Variants in PNPLA7 observed in about 807,000 individuals in gnomAD.
PNPLA7 encodes the protein patatin like domain 7, lysophospholipase.
Under a neutral mutation model 161.7 loss-of-function variants are expected in PNPLA7, and 153 were observed. The ratio of observed to expected loss-of-function variants is 0.95; its 90% CI spans 0.83 to 1.08. The LOEUF is 1.08. PNPLA7 is among the 50% of genes least tolerant of loss of function. PNPLA7 has a pLI of 0.00. For synonymous variants in PNPLA7, 809 were observed against 782.1 expected (o/e 1.03, Z -0.57); for missense variants, 1,739 against 1,856.6 (o/e 0.94, Z 1.16).
At chr9:137,502,931 A>T (rs1564322264) in intron 14 of PNPLA7, among the ~76,000 whole-genome samples, 1 of 151,664 alleles carries the variant, frequency 6.6e-6, no homozygotes, top group Non-Finnish European at 1.5e-5. Context: ...ATTTGCTTCA[A>T]GGGGGGGCAC....
In PNPLA7 at chr9:137,543,061, A is replaced by G. The variant is rs575021909; in HGVS notation, c.507-260T>C. ...GCCACACACACACGGGAGGAAGGCAAAGGTGGCCTCCAGGATGGTGAGCTG... is the reference window on the plus strand; with the variant it reads ...GCCACACACACACGGGAGGAAGGCAGAGGTGGCCTCCAGGATGGTGAGCTG... On this transcript the variant is annotated intron_variant, in intron 6 of 34. Coordinates refer to ENST00000406427, the MANE Select transcript of PNPLA7 (RefSeq NM_001098537.3). The surrounding 1 kb of genome is among the most constrained non-coding windows in gnomAD (Gnocchi z 6.9). 6.6e-6 allele frequency among the ~76,000 whole-genome samples: 1 copy of G among 152,310 alleles called. No individual in the cohort carries two copies. Among genetic ancestry groups the G allele is most frequent in the African/African-American group, 2.4e-5 (1 of 41,568 alleles).
chr9:137,462,077 G>T, intron 31 of PNPLA7, 36 bp from the exon 32 acceptor site: 1 of 1,537,212 alleles, frequency 6.5e-7, no homozygotes, highest in East Asian at 2.4e-5. Flanking sequence ...AGGAGGTGTG[G>T]GGAGCCCCCC....
At chr9:137,495,730 G>A (rs1207153855) in intron 18 of PNPLA7, among the ~76,000 whole-genome samples, 6 of 151,940 alleles carry the variant, frequency 3.9e-5, no homozygotes, top group Middle Eastern at 3.2e-3. Flanking sequence ...GGCGTGAGCC[G>A]CCGCGCCCGG....
chr9:137,469,775 G>A (rs765352292), intron 25 of PNPLA7, among the ~76,000 whole-genome samples: 3 of 152,192 alleles, frequency 2.0e-5, no homozygotes, highest in Non-Finnish European at 4.4e-5. Flanking sequence ...GGACCAATTC[G>A]ACGGACAGCC....
At chr9:137,466,095 C>T (rs565423331) in intron 26 of PNPLA7, among the ~76,000 whole-genome samples, 1 of 152,326 alleles carries the variant, frequency 6.6e-6, no homozygotes, top group Admixed American at 6.5e-5. Flanking sequence ...TCAACCCAGG[C>T]CGGGTGCCAT....
chr9:137,543,501 T>C lies in PNPLA7; in HGVS notation c.437A>G (p.Asp146Gly). Residue 146 changes from aspartate to glycine, a missense_variant, in exon 6 of 35, where the codon GAC becomes GGC. Transcript: ENST00000406427. This position sits in a 1 kb window ranked among gnomAD's most constrained non-coding sequence, Gnocchi z 6.9. ...KEPPPSLLEA[D>G]LTEFDVKNSH... The stretch of plus-strand genomic sequence containing the variant: ...ATTCTTCACGTCAAACTCCGTGAGG[T>C]CGGCCTCCAGCAGGGAGGGCGGGGG... 1 of 1,614,022 alleles carries C rather than the reference T, an allele frequency of 6.2e-7. No homozygotes were observed. Among genetic ancestry groups the C allele is most frequent in the East Asian group, 2.2e-5 (1 of 44,860 alleles).
Position 137,479,071 on chromosome 9 carries a change from C to T in PNPLA7, c.2748G>A (p.Arg916=), listed in dbSNP as rs1187954266. Residue 916 remains arginine (R), a synonymous_variant, in exon 24 of 35, where the codon AGG becomes AGA. Transcript: ENST00000406427. ...CCCGCCTCACCAGCTTGGGCAGGCTCCTCCTGGAGAAGACGCGGCGCGGGC... is the reference window on the plus strand; with the variant it reads ...CCCGCCTCACCAGCTTGGGCAGGCTTCTCCTGGAGAAGACGCGGCGCGGGC... ...LCCPRRVFSR[R]SLPKLVEMYK... The T allele has an allele frequency of 1.9e-6, 3 of 1,589,694 alleles. No individual in the cohort carries two copies. Among genetic ancestry groups the T allele is most frequent in the Non-Finnish European group, 2.6e-6 (3 of 1,166,400 alleles).
intron 12 of PNPLA7, among the ~76,000 whole-genome samples, chr9:137,513,959 GA>G (rs536078215): frequency 6.6e-6 from 1 of 152,280 alleles, no homozygotes; most frequent in Non-Finnish European, 1.5e-5. Flanking sequence ...GCAGACGGCA[GA>G]GGGGGCAGGT....
At chr9:137,517,239 T>A (rs62644214) in intron 11 of PNPLA7, among the ~76,000 whole-genome samples, 1,270 of 37,434 alleles carry the variant, frequency 0.034, no homozygotes, top group African/African-American at 0.053. Flanking sequence ...ACTCCATCCC[T>A]CACTCACTCA....
intron 18 of PNPLA7, among the ~76,000 whole-genome samples, chr9:137,496,623 A>T (rs1219169572): frequency 6.6e-6 from 1 of 152,140 alleles, no homozygotes; most frequent in African/African-American, 2.4e-5. Context: ...AGGCAGGAGA[A>T]TCTCTTGAAC....
chr9:137,518,930 C>T (rs1048449737), intron 11 of PNPLA7, among the ~76,000 whole-genome samples: 21 of 132,634 alleles, frequency 1.6e-4, no homozygotes, highest in South Asian at 2.7e-4. Context: ...CACTCACTCA[C>T]TCCACTCTGT....
intron 4 of PNPLA7, among the ~76,000 whole-genome samples, chr9:137,545,862 G>A (rs188812907): frequency 2.4e-4 from 37 of 152,272 alleles, no homozygotes; most frequent in Middle Eastern, 3.4e-3. Flanking sequence ...GTTGCCAAGC[G>A]GACCGTGATC....
rs368408863 is a variant in PNPLA7, at chr9:137,521,555, C to T, written c.957+81G>A. On this transcript the variant is annotated intron_variant, in intron 10 of 34. Coordinates refer to ENST00000406427, the MANE Select transcript of PNPLA7 (RefSeq NM_001098537.3). ...TGGCACTGCCCCACCAGGCACTGGG[C>T]GCCTGCCGTGCCAACCAATAGCTGT... 3.7e-5 allele frequency: 51 copies of T among 1,387,584 alleles called. No homozygotes were observed. In the African/African-American group the frequency reaches 4.9e-4, roughly 13 times the overall value. 86.0% of individuals were successfully genotyped at this position (1,387,584 alleles called of 1,614,324 possible).
chr9:137,542,929 G>T, intron 6 of PNPLA7, 128 bp from the exon 7 acceptor site: 1 of 947,208 alleles, frequency 1.1e-6, no homozygotes, highest in South Asian at 1.7e-5. Context: ...CCACACGGCT[G>T]ACCAACAAAC....
At chr9:137,529,625 A>G (rs1473853610) in intron 8 of PNPLA7, among the ~76,000 whole-genome samples, 1 of 150,100 alleles carries the variant, frequency 6.7e-6, no homozygotes, top group African/African-American at 2.5e-5. Context: ...TCAGGAGTCA[A>G]TCTGAGATTC....
In PNPLA7 at chr9:137,523,575, C is replaced by G. The variant is rs1835144641; in HGVS notation, c.748-718G>C. ...AGATTCTTCTGGAAACTTGTTGGCT[C>G]TAGAGACGAAAGGCTGTTGTTTACA... On this transcript the variant is annotated intron_variant, in intron 8 of 34. Transcript: ENST00000406427. The surrounding 1 kb of genome is among the most constrained non-coding windows in gnomAD (Gnocchi z 4.4). 1.3e-5 allele frequency among the ~76,000 whole-genome samples: 2 copies of G among 151,724 alleles called. No homozygotes were observed. Among genetic ancestry groups the G allele is most frequent in the Non-Finnish European group, 2.9e-5 (2 of 68,008 alleles).
In PNPLA7 at chr9:137,479,713, G is replaced by C. The variant is rs1022436274; in HGVS notation, c.2581-475C>G. The C allele has an allele frequency of 4.4e-5, 43 of 985,306 alleles. No individual in the cohort carries two copies. In the South Asian group the frequency reaches 5.6e-4, roughly 13 times the overall value. The allele number at this position is 985,306 out of a possible 1,614,324, so 61.0% of individuals were successfully genotyped here. A position where few individuals can be genotyped will look rare whatever the true frequency, so the allele number is the denominator to read the frequency against. ...CTGAAGGCAGGAAGCTGGAGAACACGAACAGGACTGGGTGGCCATGAGCCC... is the reference window on the plus strand; with the variant it reads ...CTGAAGGCAGGAAGCTGGAGAACACCAACAGGACTGGGTGGCCATGAGCCC... On this transcript the variant is annotated intron_variant, in intron 23 of 34. Transcript: ENST00000406427.
intron 21 of PNPLA7, among the ~76,000 whole-genome samples, chr9:137,484,108 G>A (rs1041488199): frequency 4.6e-5 from 7 of 151,820 alleles, no homozygotes; most frequent in African/African-American, 9.7e-5. Flanking sequence ...GCTAATTTTC[G>A]TATTTCTAGT....
At position 137,543,874 on chromosome 9, in the gene PNPLA7, T is replaced by C. The variant is rs1019281519; in HGVS notation, c.274-59A>G. 3.5e-6 allele frequency: 5 copies of C among 1,445,006 alleles called. No homozygotes were observed. The African/African-American group carries it at 5.6e-5, about 16-fold the overall frequency. 89.5% of individuals were successfully genotyped at this position (1,445,006 alleles called of 1,614,324 possible). A position where few individuals can be genotyped will look rare whatever the true frequency, so the allele number is the denominator to read the frequency against. On this transcript the variant is annotated intron_variant, in intron 4 of 34. Transcript: ENST00000406427. The surrounding 1 kb of genome is among the most constrained non-coding windows in gnomAD (Gnocchi z 6.9). ...CTGCAAGCCGCAAGGTCCAAGCTCT[T>C]TGCCATGGGGATCAGTCCTCAGGAC...
Sources: gnomAD v4.1 joint callset for allele counts (sites outside exome capture counted in the v4.1 genomes callset) on GRCh38, gnomAD v4.1.1 for gene constraint, Gnocchi (gnomAD v3.1) non-coding constraint, MANE v1.5 for transcripts, NCBI Gene and HGNC (gene_info 2026-07-23, HGNC 2026-07-21) for gene names.